The following NUS1 variants were observed in gnomAD, a reference collection of about 807,000 sequenced individuals.
The protein encoded by NUS1 is NUS1 dehydrodolichyl diphosphate synthase subunit, also known as dehydrodolichyl diphosphate synthase complex subunit NUS1.
For synonymous variants in NUS1, 135 were observed against 155.2 expected (o/e 0.87, Z 0.97); for missense variants, 292 against 382.9 (o/e 0.76, Z 1.98).
intron 1 of NUS1, among the ~76,000 whole-genome samples, chr6:117,679,267 G>A (rs184193515): frequency 6.6e-6 from 1 of 152,310 alleles, no homozygotes; most frequent in Admixed American, 6.5e-5. Flanking sequence ...CACCTGAGCT[G>A]GACCTAGTCA....
At chr6:117,696,842 C>G (rs73511215) in intron 3 of NUS1, among the ~76,000 whole-genome samples, 2,646 of 152,138 alleles carry the variant, frequency 0.017, 73 homozygotes, top group African/African-American at 0.061. Context: ...ACAACTCTCA[C>G]TGGTAATAGT....
intron 1 of NUS1, among the ~76,000 whole-genome samples, chr6:117,688,865 T>G (rs894717384): frequency 6.6e-6 from 1 of 152,232 alleles, no homozygotes; most frequent in Admixed American, 6.5e-5. Flanking sequence ...TCTTAATTAC[T>G]GAGTTTTTTT....
At chr6:117,689,914 T>A (rs1315900790) in intron 1 of NUS1, among the ~76,000 whole-genome samples, 5 of 152,238 alleles carry the variant, frequency 3.3e-5, no homozygotes, top group Admixed American at 3.3e-4. Context: ...TTCCACAATT[T>A]ATACATATAA....
intron 1 of NUS1, among the ~76,000 whole-genome samples, chr6:117,677,661 C>T (rs147018634): frequency 2.6e-4 from 40 of 152,326 alleles, no homozygotes; most frequent in Non-Finnish European, 4.7e-4. Flanking sequence ...ATCATCTTTC[C>T]TGCAGCCCGC....
In NUS1 at chr6:117,695,221, A is replaced by G. The variant is rs926224232; in HGVS notation, c.691+1041A>G. On this transcript the variant is annotated intron_variant, in intron 3 of 4. Transcript: ENST00000368494. ...AAAAAAAAAAAAAAAAAAAAAAAAA[A>G]GAAAAAGAAATGCATTTTCTATCTT... Among the ~76,000 whole-genome samples the G allele has an allele frequency of 5.4e-5, 7 of 129,380 alleles. 1 individual carries two copies. Among genetic ancestry groups the G allele is most frequent in the African/African-American group, 1.4e-4 (5 of 36,618 alleles). 84.9% of individuals were successfully genotyped at this position (129,380 alleles called of 152,430 possible).
chr6:117,681,236 G>C (rs189720479), intron 1 of NUS1, among the ~76,000 whole-genome samples: 2 of 152,180 alleles, frequency 1.3e-5, no homozygotes, highest in East Asian at 3.9e-4. Flanking sequence ...AGGTACTTCT[G>C]TTCTCTGCTT....
chr6:117,693,037 T>A lies in NUS1; in HGVS notation c.416-5T>A, dbSNP rs1438460618. The A allele has an allele frequency of 6.3e-7, 1 of 1,599,846 alleles. No homozygotes were observed. The highest frequency in any genetic ancestry group is 1.7e-5 in the Admixed American group (1 of 59,394). On this transcript the variant is annotated splice_polypyrimidine_tract_variant and splice_region_variant and intron_variant, in intron 1 of 4. Transcript: ENST00000368494. ...GTGTTTTACTTGCCTTTTTCTTTTT[T>A]AAAGGTATTTTCAAAAGAAATAATT...
chr6:117,702,772 T>A (rs536552277), intron 3 of NUS1, among the ~76,000 whole-genome samples: 2 of 152,320 alleles, frequency 1.3e-5, no homozygotes, highest in South Asian at 4.1e-4. Context: ...GACTGCCTGA[T>A]CCAGTTTCCT....
At chr6:117,678,701 G>A (rs1404626046) in intron 1 of NUS1, among the ~76,000 whole-genome samples, 1 of 104,236 alleles carries the variant, frequency 9.6e-6, no homozygotes, top group Admixed American at 1.3e-4. Flanking sequence ...TTTTTTTTGA[G>A]ACGGAGTCTC....
At position 117,676,099 on chromosome 6, in the gene NUS1, C is replaced by A. The variant is rs969243533; in HGVS notation, c.415+14C>A. 3.9e-6 allele frequency: 6 copies of A among 1,550,484 alleles called. No individual in the cohort carries two copies. Among genetic ancestry groups the A allele is most frequent in the Non-Finnish European group, 5.2e-6 (6 of 1,147,100 alleles). ...ACGACCACCAAGGTGAGGCCCGGTG[C>A]GGTGGTGGGGGGTGGCCGAGGCGTC... is the stretch of plus-strand genomic sequence containing the variant. On this transcript the variant is annotated intron_variant, in intron 1 of 4. Coordinates refer to ENST00000368494, the MANE Select transcript of NUS1 (RefSeq NM_138459.5).
At chr6:117,687,182 T>G (rs1363313547) in intron 1 of NUS1, among the ~76,000 whole-genome samples, 1 of 152,230 alleles carries the variant, frequency 6.6e-6, no homozygotes, top group African/African-American at 2.4e-5. Flanking sequence ...GTGGAACTTC[T>G]GCCTGTGTGC....
At chr6:117,694,780 G>T (rs1016201463) in intron 3 of NUS1, among the ~76,000 whole-genome samples, 4 of 152,062 alleles carry the variant, frequency 2.6e-5, no homozygotes, top group Non-Finnish European at 5.9e-5. Context: ...CATTAGCCTT[G>T]ATCCTTTTGA....
At chr6:117,703,511 T>C (rs1275115856) in intron 3 of NUS1, 94 bp from the exon 4 acceptor site, 1 of 906,120 alleles carries the variant, frequency 1.1e-6, no homozygotes, top group African/African-American at 1.6e-5. Flanking sequence ...ACCAATTTGA[T>C]TAATACATTT....
intron 1 of NUS1, among the ~76,000 whole-genome samples, chr6:117,683,564 A>G (rs897983785): frequency 5.3e-5 from 8 of 152,228 alleles, no homozygotes; most frequent in Non-Finnish European, 1.2e-4. Flanking sequence ...ACAGGCATTT[A>G]TTTATAAATA....
rs948048136 is a variant in NUS1, at chr6:117,708,323, A to G, written c.*1308A>G. On this transcript the variant is annotated 3_prime_UTR_variant, in exon 5 of 5. Transcript: ENST00000368494. ...CACTGCTGATTCTTAGATAGAAACC[A>G]TTCTTTATATTTGATAGACTGCTTT... 1 of 152,520 alleles carries G rather than the reference A, an allele frequency of 6.6e-6. No individual in the cohort carries two copies. Among genetic ancestry groups the G allele is most frequent in the African/African-American group, 2.4e-5 (1 of 41,420 alleles). 9.4% of individuals were successfully genotyped at this position (152,520 alleles called of 1,614,324 possible).
In NUS1 at chr6:117,707,042, G is replaced by C. The variant is rs771056370; in HGVS notation, c.*27G>C. The C allele has an allele frequency of 2.5e-6, 4 of 1,593,270 alleles. No homozygotes were observed. The highest frequency in any genetic ancestry group is 3.4e-6 in the Non-Finnish European group (4 of 1,162,014). ...GGTCATTGGTTGCATAATTTGATTT[G>C]AGGCTTGTGGAGGAAAGGAACCAAG... On this transcript the variant is annotated 3_prime_UTR_variant, in exon 5 of 5. Transcript: ENST00000368494.
At chr6:117,687,281 T>C (rs564894173) in intron 1 of NUS1, among the ~76,000 whole-genome samples, 1 of 152,230 alleles carries the variant, frequency 6.6e-6, no homozygotes, top group Non-Finnish European at 1.5e-5. Context: ...TGTTTCATTA[T>C]TGTTAAGCAG....
At chr6:117,695,218 A>AAAAAAAAAG (rs1773301901) in intron 3 of NUS1, among the ~76,000 whole-genome samples, 1 of 150,326 alleles carries the variant, frequency 6.7e-6, no homozygotes, top group African/African-American at 2.5e-5. Context: ...AAAAAAAAAA[A>AAAAAAAAAG]AAAGAAAAAG....
At chr6:117,689,022 A>G (rs1398658601) in intron 1 of NUS1, among the ~76,000 whole-genome samples, 1 of 152,180 alleles carries the variant, frequency 6.6e-6, no homozygotes, top group African/African-American at 2.4e-5. Context: ...AACCCTGAGG[A>G]ATAATCTTTA....
Sources: allele counts gnomAD v4.1 joint callset (sites outside exome capture counted in the v4.1 genomes callset), GRCh38; gene constraint gnomAD v4.1.1; transcripts MANE v1.5; gene names NCBI Gene and HGNC (gene_info 2026-07-23, HGNC 2026-07-21).